Variants in ADAMTSL3 observed in about 807,000 individuals in gnomAD.
ADAMTSL3 encodes ADAMTS like 3, also known as ADAMTS-like protein 3.
In ADAMTSL3, 128 loss-of-function variants were observed where a neutral mutation model predicts 201.7. The ratio of observed to expected loss-of-function variants is 0.63; its 90% CI spans 0.55 to 0.73. The LOEUF (loss-of-function observed/expected upper bound fraction) is 0.73. Among genes scored for constraint, ADAMTSL3 ranks in the 30% least tolerant of loss-of-function variants. ADAMTSL3 has a pLI of 0.00. For missense variants in ADAMTSL3, 1,990 were observed against 2,119.6 expected (o/e 0.94, Z 1.20); for synonymous variants, 738 against 748.4 (o/e 0.99, Z 0.23).
intron 3 of ADAMTSL3, among the ~76,000 whole-genome samples, chr15:83,739,249 A>AAT (rs1430975163): frequency 2.0e-5 from 3 of 151,842 alleles, no homozygotes; most frequent in African/African-American, 7.3e-5. Flanking sequence ...TGTAAACTAA[A>AAT]ATAAAGATTA....
In ADAMTSL3 at chr15:83,958,261, C is replaced by G. The variant is rs187651136; in HGVS notation, c.2491-12223C>G. ...CAATCAGCCAAATTGAGGAAGGACTCCAGAGTGTGATTGGTTCCAGAGTGT... is the reference window on the plus strand; with the variant it reads ...CAATCAGCCAAATTGAGGAAGGACTGCAGAGTGTGATTGGTTCCAGAGTGT... On this transcript the variant is annotated intron_variant, in intron 19 of 29. Coordinates refer to ENST00000286744, the MANE Select transcript of ADAMTSL3 (RefSeq NM_207517.3). Among the ~76,000 whole-genome samples the G allele has an allele frequency of 5.4e-3, 817 of 152,228 alleles. 5 individuals carry two copies. Among genetic ancestry groups the G allele is most frequent in the Non-Finnish European group, 8.0e-3 (544 of 68,010 alleles).
In ADAMTSL3 at chr15:84,039,200, A is replaced by G. The variant is rs909759803; in HGVS notation, c.*1394A>G. On this transcript the variant is annotated 3_prime_UTR_variant, in exon 30 of 30. Coordinates refer to ENST00000286744, the MANE Select transcript of ADAMTSL3 (RefSeq NM_207517.3). ...TATTCAGGGTCTCAGCTGCCTGTAC[A>G]CCTGCTGCCTACATCTTCTTGGCAA... 2.6e-5 allele frequency: 4 copies of G among 152,630 alleles called. No homozygotes were observed. The highest frequency in any genetic ancestry group is 9.7e-5 in the African/African-American group (4 of 41,438). 9.5% of individuals were successfully genotyped at this position (152,630 alleles called of 1,614,324 possible).
At chr15:83,732,039 CCA>C (rs765999349) in intron 3 of ADAMTSL3, among the ~76,000 whole-genome samples, 4 of 151,968 alleles carry the variant, frequency 2.6e-5, no homozygotes, top group Non-Finnish European at 5.9e-5. Context: ...GTAAATTTCA[CCA>C]CACATACACA....
At chr15:83,771,885 C>G (rs2062990064) in intron 3 of ADAMTSL3, among the ~76,000 whole-genome samples, 1 of 149,496 alleles carries the variant, frequency 6.7e-6, no homozygotes, top group Admixed American at 6.7e-5. Flanking sequence ...GAGACAGAAT[C>G]TCGCTCTGTC....
chr15:83,739,506 A>G (rs189001595), intron 3 of ADAMTSL3, among the ~76,000 whole-genome samples: 1 of 151,476 alleles, frequency 6.6e-6, no homozygotes, highest in Admixed American at 6.6e-5. Flanking sequence ...TGTTTATAAG[A>G]TATACATGAA....
intron 25 of ADAMTSL3, among the ~76,000 whole-genome samples, chr15:84,020,086 G>GATTGTACA (rs2068170128): frequency 6.6e-6 from 1 of 152,088 alleles, no homozygotes; most frequent in Non-Finnish European, 1.5e-5. Flanking sequence ...GGTTACGTAA[G>GATTGTACA]TGCTTACAAT....
At chr15:83,794,662 G>T (rs571158577) in intron 4 of ADAMTSL3, among the ~76,000 whole-genome samples, 11 of 149,760 alleles carry the variant, frequency 7.3e-5, no homozygotes, top group South Asian at 4.2e-4. Context: ...AGGATAGGGT[G>T]GGGGGGAGGA....
chr15:83,705,380 C>G (rs1219766731), intron 3 of ADAMTSL3, among the ~76,000 whole-genome samples: 1 of 152,102 alleles, frequency 6.6e-6, no homozygotes, highest in Non-Finnish European at 1.5e-5. Context: ...CTGAGGCCAG[C>G]TGTGCTCTCC....
At chr15:83,964,994 G>T (rs1292994274) in intron 19 of ADAMTSL3, among the ~76,000 whole-genome samples, 2 of 152,144 alleles carry the variant, frequency 1.3e-5, no homozygotes, top group Non-Finnish European at 1.5e-5. Flanking sequence ...TCACCACCAG[G>T]CCTGCCTTAC....
intron 10 of ADAMTSL3, among the ~76,000 whole-genome samples, chr15:83,886,639 A>G (rs68014551): frequency 6.6e-6 from 1 of 151,994 alleles, no homozygotes; most frequent in East Asian, 1.9e-4. Flanking sequence ...AAGAGCTAGA[A>G]TAAATCCTTC....
At chr15:83,798,149 T>C (rs932215717) in intron 4 of ADAMTSL3, among the ~76,000 whole-genome samples, 1 of 152,196 alleles carries the variant, frequency 6.6e-6, no homozygotes, top group African/African-American at 2.4e-5. Flanking sequence ...ATGTACTCAG[T>C]TACCTCTCCT....
At chr15:83,699,164 A>G (rs543949254) in intron 2 of ADAMTSL3, among the ~76,000 whole-genome samples, 15 of 152,262 alleles carry the variant, frequency 9.9e-5, no homozygotes, top group Admixed American at 2.6e-4. Context: ...CCAAATCCCT[A>G]TCTCCAGCGT....
chr15:83,692,060 C>T (rs971713923), intron 2 of ADAMTSL3, among the ~76,000 whole-genome samples: 6 of 151,944 alleles, frequency 3.9e-5, no homozygotes, highest in Non-Finnish European at 7.4e-5. Flanking sequence ...ACCTGTATTG[C>T]ACCCAACACA....
intron 3 of ADAMTSL3, among the ~76,000 whole-genome samples, chr15:83,746,075 T>G (rs2062541976): frequency 6.6e-6 from 1 of 152,116 alleles, no homozygotes; most frequent in Admixed American, 6.5e-5. Context: ...CCTCTGTTCT[T>G]TGTACTCAGT....
At chr15:83,688,901 TG>T (rs2141449622) in intron 2 of ADAMTSL3, among the ~76,000 whole-genome samples, 1 of 152,254 alleles carries the variant, frequency 6.6e-6, no homozygotes, top group East Asian at 1.9e-4. Context: ...TTCCACCTCC[TG>T]GGCTCAGGTG....
chr15:83,987,715 C>T (rs2067505346), intron 21 of ADAMTSL3, among the ~76,000 whole-genome samples: 1 of 152,066 alleles, frequency 6.6e-6, no homozygotes, highest in Non-Finnish European at 1.5e-5. Flanking sequence ...GTTCTGGAAA[C>T]AGTTAAGGTT....
At chr15:83,656,744 A>G (rs752476024) in intron 2 of ADAMTSL3, among the ~76,000 whole-genome samples, 12 of 152,150 alleles carry the variant, frequency 7.9e-5, no homozygotes, top group Non-Finnish European at 1.6e-4. Flanking sequence ...TAGCTTCTCA[A>G]ATACATGGCT....
rs768526147 is a variant in ADAMTSL3, at chr15:83,892,874, A to G, written c.1453A>G (p.Met485Val). 5.0e-6 allele frequency: 8 copies of G among 1,614,106 alleles called. No homozygotes were observed. The East Asian group carries it at 1.3e-4, about 27-fold the overall frequency. Residue 485 changes from methionine to valine, a missense_variant, in exon 13 of 30, where the codon ATG becomes GTG. Coordinates refer to ENST00000286744, the MANE Select transcript of ADAMTSL3 (RefSeq NM_207517.3). ...GTTTGATTGCCCCAAGTGGATTGCCATGGAGTGGTCTCAGGTAAGATTTGA... is the reference window on the plus strand; with the variant it reads ...GTTTGATTGCCCCAAGTGGATTGCCGTGGAGTGGTCTCAGGTAAGATTTGA... ...NLFDCPKWIA[M>V]EWSQCTVTCG... is the part of the protein sequence containing the mutation.
Position 83,898,733 on chromosome 15 carries a change from C to G in ADAMTSL3, c.1615+728C>G, listed in dbSNP as rs116497834. Among the ~76,000 whole-genome samples, 1,294 of 152,240 alleles carry G rather than the reference C, an allele frequency of 8.5e-3. 15 individuals carry two copies. Among genetic ancestry groups the G allele is most frequent in the African/African-American group, 0.029 (1,208 of 41,552 alleles). On this transcript the variant is annotated intron_variant, in intron 14 of 29. Transcript: ENST00000286744. ...CATCCTCATGAAAAGTATCTTCCAT[C>G]TTGAAATGGGAGAAAAGATTATTCC...
Sources: allele counts gnomAD v4.1 joint callset (sites outside exome capture counted in the v4.1 genomes callset), GRCh38; gene constraint gnomAD v4.1.1; transcripts MANE v1.5; gene names NCBI Gene and HGNC (gene_info 2026-07-23, HGNC 2026-07-21).